KCNIP1: variants seen among roughly 807,000 people sequenced by gnomAD.
KCNIP1 encodes potassium voltage-gated channel interacting protein 1.
Under a neutral mutation model 33.0 loss-of-function variants are expected in KCNIP1, and 18 were observed. The observed-to-expected ratio is 0.55, with a 90% confidence interval of 0.38 to 0.81. The LOEUF is 0.81. Ranked by LOEUF, KCNIP1 falls within the 30% of genes least tolerant of loss-of-function variation. The pLI is 0.00. For missense variants in KCNIP1, 238 were observed against 271.6 expected (o/e 0.88, Z 0.87); for synonymous variants, 93 against 98.3 (o/e 0.95, Z 0.32).
intron 1 of KCNIP1, among the ~76,000 whole-genome samples, chr5:170,547,399 A>G (rs1394757186): frequency 6.6e-6 from 1 of 152,190 alleles, no homozygotes; most frequent in Non-Finnish European, 1.5e-5. Context: ...GTTTAGGGGT[A>G]CATGTGCAGG....
chr5:170,669,668 G>A (rs1428976698), intron 1 of KCNIP1: 1 of 985,022 alleles, frequency 1.0e-6, no homozygotes, highest in African/African-American at 1.7e-5. Context: ...TGGGTATGAA[G>A]GTTTGGCTTT....
chr5:170,475,063 T>C (rs1756823875), intron 1 of KCNIP1, among the ~76,000 whole-genome samples: 1 of 152,204 alleles, frequency 6.6e-6, no homozygotes, highest in South Asian at 2.1e-4. Context: ...TGGTCTATTT[T>C]ACAAACCTCT....
rs766469605 is a variant in KCNIP1 at position 170,605,770 on chromosome 5, C to CTTTTTT, written c.61+101154_61+101159dup. The stretch of plus-strand genomic sequence containing the variant: ...CATGGGTCAGTACTTCAACCCTGTT[C>CTTTTTT]TTTTTTTTTTTTTTTTTTTTTTGAG... On this transcript the variant is annotated intron_variant, in intron 1 of 7. Coordinates refer to ENST00000328939, the MANE Select transcript of KCNIP1 (RefSeq NM_014592.4). Among the ~76,000 whole-genome samples, 117 of 102,300 alleles carry CTTTTTT rather than the reference C, an allele frequency of 1.1e-3. 1 individual carries two copies. The highest frequency in any genetic ancestry group is 1.7e-3 in the Non-Finnish European group (88 of 52,940). The allele number at this position is 102,300 out of a possible 152,430, so 67.1% of individuals were successfully genotyped here.
intron 1 of KCNIP1, among the ~76,000 whole-genome samples, chr5:170,704,570 G>A (rs1393676294): frequency 2.0e-5 from 3 of 152,118 alleles, no homozygotes; most frequent in South Asian, 2.1e-4. Flanking sequence ...ACTCTTCAGC[G>A]CCAGCAGGAA....
chr5:170,390,517 A>AAAATATATATATATAT, intron 1 of KCNIP1, among the ~76,000 whole-genome samples: 16 of 74,512 alleles, frequency 2.1e-4, no homozygotes, highest in African/African-American at 6.4e-4. Context: ...AAAAAAAACA[A>AAAATATATATATATAT]ATATATATAT....
At chr5:170,523,009 A>G (rs1755422190) in intron 1 of KCNIP1, among the ~76,000 whole-genome samples, 2 of 152,250 alleles carry the variant, frequency 1.3e-5, no homozygotes, top group Non-Finnish European at 2.9e-5. Context: ...AGGAGACCCC[A>G]GGCAACCAAG....
chr5:170,559,380 T>C (rs1007926087), intron 1 of KCNIP1, among the ~76,000 whole-genome samples: 2 of 152,210 alleles, frequency 1.3e-5, no homozygotes, highest in African/African-American at 4.8e-5. Context: ...TCCTCCCCAG[T>C]ATCTAGCATA....
At chr5:170,568,576 G>T (rs757073093) in intron 1 of KCNIP1, among the ~76,000 whole-genome samples, 1 of 150,338 alleles carries the variant, frequency 6.7e-6, no homozygotes, top group Admixed American at 6.7e-5. Context: ...ACTTTGGGAG[G>T]CCGAGGCGGG....
intron 5 of KCNIP1, among the ~76,000 whole-genome samples, chr5:170,730,639 C>T (rs980972142): frequency 5.3e-5 from 8 of 152,196 alleles, no homozygotes; most frequent in African/African-American, 1.9e-4. Context: ...TCTATTTCCT[C>T]GTTCTATCTG....
intron 1 of KCNIP1, among the ~76,000 whole-genome samples, chr5:170,555,935 C>A (rs775898180): frequency 1.4e-4 from 22 of 152,160 alleles, no homozygotes; most frequent in Non-Finnish European, 2.8e-4. Context: ...AAACACCACC[C>A]AAGCCCAGCC....
chr5:170,387,405 C>T, intron 1 of KCNIP1, among the ~76,000 whole-genome samples: 1 of 152,164 alleles, frequency 6.6e-6, no homozygotes, highest in East Asian at 1.9e-4. Context: ...ATTCTTGACT[C>T]CCTCCCCTTA....
chr5:170,605,906 C>G (rs749242777), intron 1 of KCNIP1, among the ~76,000 whole-genome samples: 15 of 151,792 alleles, frequency 9.9e-5, no homozygotes, highest in Non-Finnish European at 1.9e-4. Context: ...TCCCATGTAG[C>G]TGGGATTACA....
At chr5:170,461,517 G>A (rs182733435) in intron 1 of KCNIP1, among the ~76,000 whole-genome samples, 14 of 152,240 alleles carry the variant, frequency 9.2e-5, no homozygotes, top group East Asian at 5.8e-4. Context: ...TTGGGAGACC[G>A]AGGCAGGCGG....
Position 170,360,828 on chromosome 5 carries a change from G to A in KCNIP1, c.88+6864G>A, listed in dbSNP as rs564573307. Among the ~76,000 whole-genome samples, 16 of 152,344 alleles carry A rather than the reference G, an allele frequency of 1.1e-4. No individual in the cohort carries two copies. The South Asian group carries it at 2.7e-3, about 26-fold the overall frequency. ...GTGAGTGCCTCAAGCACCTGCAGCC[G>A]AGGAAGGAAGGTTGAATAAATAACG... is the stretch of plus-strand genomic sequence containing the variant. On this transcript the variant is annotated intron_variant, in intron 1 of 7. Transcript: ENST00000377360.
At position 170,357,222 on chromosome 5, in the gene KCNIP1, G is replaced by A. The variant is rs1036892068; in HGVS notation, c.88+3258G>A. Among the ~76,000 whole-genome samples the A allele has an allele frequency of 6.6e-5, 10 of 152,134 alleles. No homozygotes were observed. In the East Asian group the frequency reaches 9.7e-4, roughly 15 times the overall value. On this transcript the variant is annotated intron_variant, in intron 1 of 7. Transcript: ENST00000377360. ...ATCCCCGGACCCTGCACTGTGGCTC[G>A]GAAGCCTCGGACTGGGTCCCTCACC...
chr5:170,450,458 C>T (rs900786951), intron 1 of KCNIP1, among the ~76,000 whole-genome samples: 1 of 152,146 alleles, frequency 6.6e-6, no homozygotes, highest in African/African-American at 2.4e-5. Context: ...GTAGGTGTAT[C>T]CTGAAAATGT....
chr5:170,511,756 C>T (rs973795583), intron 1 of KCNIP1, among the ~76,000 whole-genome samples: 1 of 152,160 alleles, frequency 6.6e-6, no homozygotes, highest in African/African-American at 2.4e-5. Flanking sequence ...AAGGGAAGTG[C>T]CTTACTAAGG....
At chr5:170,423,937 T>C (rs1333908117) in intron 1 of KCNIP1, among the ~76,000 whole-genome samples, 1 of 152,232 alleles carries the variant, frequency 6.6e-6, no homozygotes, top group African/African-American at 2.4e-5. Context: ...TTCATTCTAA[T>C]GAGAACAGAA....
At chr5:170,631,704 C>T (rs958264574) in intron 1 of KCNIP1, among the ~76,000 whole-genome samples, 1 of 152,230 alleles carries the variant, frequency 6.6e-6, no homozygotes, top group East Asian at 1.9e-4. Context: ...CTCAAATCTC[C>T]TCCCCTCCAG....
Sources: allele counts gnomAD v4.1 joint callset (sites outside exome capture counted in the v4.1 genomes callset), GRCh38; gene constraint gnomAD v4.1.1; transcripts MANE v1.5; gene names NCBI Gene and HGNC (gene_info 2026-07-23, HGNC 2026-07-21).